DZIP1: variants seen among roughly 807,000 people sequenced by gnomAD.
The protein encoded by DZIP1 is DAZ interacting zinc finger protein 1, also known as cilium assembly protein DZIP1.
DZIP1 carries 97 observed loss-of-function variants against 107.6 expected under a neutral mutation model. The observed-to-expected ratio is 0.90, with a 90% CI of 0.77 to 1.07. The LOEUF is 1.07. DZIP1 is among the 50% of genes least tolerant of loss of function. DZIP1 has a pLI of 0.00. For missense variants in DZIP1, 1,035 were observed against 1,063.6 expected (o/e 0.97, Z 0.37); for synonymous variants, 390 against 386.4 (o/e 1.01, Z -0.11).
chr13:95,633,662 G>A lies in DZIP1; in HGVS notation c.598-341C>T, dbSNP rs188016673. On this transcript the variant is annotated intron_variant, in intron 5 of 22. Transcript: ENST00000376829. ...CCACTGCACTCCAGCCTGGACAACA[G>A]AGCGAGACTCCATCTCAAAAAAAAA... is the stretch of plus-strand genomic sequence containing the variant. 3.6e-3 allele frequency among the ~76,000 whole-genome samples: 492 copies of A among 135,066 alleles called. 1 individual carries two copies. The highest frequency in any genetic ancestry group is 0.013 in the African/African-American group (476 of 35,316). The allele number at this position is 135,066 out of a possible 152,430, so 88.6% of individuals were successfully genotyped here.
At chr13:95,631,375 C>A (rs1013266138) in intron 6 of DZIP1, among the ~76,000 whole-genome samples, 3 of 151,754 alleles carry the variant, frequency 2.0e-5, no homozygotes, top group Non-Finnish European at 4.4e-5. Flanking sequence ...GCTGAAGCAA[C>A]GGAATCACTT....
chr13:95,619,073 T>C (rs1231240250), intron 10 of DZIP1, among the ~76,000 whole-genome samples: 1 of 135,772 alleles, frequency 7.4e-6, no homozygotes, highest in Non-Finnish European at 1.7e-5. Flanking sequence ...TACATTGCAG[T>C]TCTGTGATAC....
chr13:95,622,277 C>T, intron 9 of DZIP1, 66 bp downstream of exon 9: 5 of 1,598,698 alleles, frequency 3.1e-6, no homozygotes, highest in Non-Finnish European at 4.3e-6. Flanking sequence ...AGATGACACT[C>T]ACTGTAAATT....
At chr13:95,601,236 G>A (rs1244729149) in intron 14 of DZIP1, among the ~76,000 whole-genome samples, 1 of 152,102 alleles carries the variant, frequency 6.6e-6, no homozygotes, top group African/African-American at 2.4e-5. Context: ...GGGGAAGTGA[G>A]GCTGGCCAAA....
intron 13 of DZIP1, among the ~76,000 whole-genome samples, chr13:95,607,758 A>C (rs1594683577): frequency 1.3e-5 from 2 of 152,348 alleles, no homozygotes; most frequent in Admixed American, 1.3e-4. Flanking sequence ...ATGCTATTAA[A>C]ATTGATCACA....
chr13:95,640,240 C>T (rs182168905), intron 5 of DZIP1, among the ~76,000 whole-genome samples: 8 of 152,028 alleles, frequency 5.3e-5, no homozygotes, highest in Admixed American at 3.3e-4. Flanking sequence ...CCTCGTGATC[C>T]GCCCGCCTCG....
At chr13:95,640,006 T>A (rs1040105400) in intron 5 of DZIP1, among the ~76,000 whole-genome samples, 1 of 151,600 alleles carries the variant, frequency 6.6e-6, no homozygotes, top group Non-Finnish European at 1.5e-5. Flanking sequence ...TTATTTTTTT[T>A]TTTTTGAGAT....
rs2138706248 is a variant in DZIP1, at chr13:95,579,548, T to G, written c.*2686A>C. On this transcript the variant is annotated 3_prime_UTR_variant, in exon 23 of 23. Transcript: ENST00000376829. Reference sequence around the variant, plus strand: ...AACCAAGGCAGTCTAGGGTAAAATATAGTTTCAAAGTATGAATAAGAATTG... The same window carrying G: ...AACCAAGGCAGTCTAGGGTAAAATAGAGTTTCAAAGTATGAATAAGAATTG... 6.6e-6 allele frequency: 1 copy of G among 152,308 alleles called. No homozygotes were observed. The highest frequency in any genetic ancestry group is 1.9e-4 in the East Asian group (1 of 5,184). The allele number at this position is 152,308 out of a possible 1,614,324, so 9.4% of individuals were successfully genotyped here. A position where few individuals can be genotyped will look rare whatever the true frequency, so the allele number is the denominator to read the frequency against.
At chr13:95,601,836 T>C (rs372833363) in intron 14 of DZIP1, among the ~76,000 whole-genome samples, 6 of 152,286 alleles carry the variant, frequency 3.9e-5, no homozygotes, top group African/African-American at 1.4e-4. Flanking sequence ...CTTTCCTTGG[T>C]CCTGGCCCTG....
chr13:95,639,248 A>G (rs1349892983), intron 5 of DZIP1, among the ~76,000 whole-genome samples: 1 of 152,182 alleles, frequency 6.6e-6, no homozygotes, highest in African/African-American at 2.4e-5. Context: ...CACTCATTTG[A>G]TAAATTGAGT....
Position 95,641,582 on chromosome 13 carries a change from C to T in DZIP1, c.310G>A (p.Glu104Lys). ...CCCGACTGGCAGTGTGGGCACTTCT[C>T]GTCTTCCAGCTTGCAGAAGGTGATG... ...MNITFCKLED[E>K]KCPHCQSGVD... Residue 104 changes from glutamate (E) to lysine (K), a missense_variant, in exon 5 of 23, where the codon GAG (glutamate) becomes AAG (lysine). By Grantham distance (56) the Glu-to-Lys change is moderately conservative (BLOSUM62 1). Coordinates refer to ENST00000376829, the MANE Select transcript of DZIP1 (RefSeq NM_198968.4). This position sits in a 1 kb window ranked among gnomAD's most constrained non-coding sequence, Gnocchi z 4.3. The T allele has an allele frequency of 3.7e-6, 6 of 1,613,564 alleles. No homozygotes were observed. Among genetic ancestry groups the T allele is most frequent in the Non-Finnish European group, 5.1e-6 (6 of 1,180,046 alleles).
Position 95,641,631 on chromosome 13 carries a change from C to T in DZIP1, c.261G>A (p.Leu87=). 1 of 1,611,102 alleles carries T rather than the reference C, an allele frequency of 6.2e-7. No individual in the cohort carries two copies. Among genetic ancestry groups the T allele is most frequent in the African/African-American group, 1.3e-5 (1 of 75,068 alleles). ...VDKVAGAVDV[L]TLQENIMNIT... The stretch of plus-strand genomic sequence containing the variant: ...TGTTCATGATGTTCTCCTGCAGCGT[C>T]AGCACGTCCACAGCCCCCGCCACCT... Residue 87 remains leucine (L), a synonymous_variant, in exon 5 of 23, where the codon CTG becomes CTA. Transcript: ENST00000376829. The surrounding 1 kb of genome is among the most constrained non-coding windows in gnomAD (Gnocchi z 4.3).
chr13:95,619,276 G>A (rs34419417), intron 10 of DZIP1, among the ~76,000 whole-genome samples: 33 of 152,330 alleles, frequency 2.2e-4, no homozygotes, highest in Admixed American at 3.9e-4. Flanking sequence ...GTAAAACTAT[G>A]TATATATGAG....
intron 9 of DZIP1, among the ~76,000 whole-genome samples, chr13:95,620,931 G>A (rs918159592): frequency 2.6e-5 from 4 of 152,176 alleles, no homozygotes; most frequent in African/African-American, 9.7e-5. Context: ...CACAGCTCCT[G>A]GTTTCCTACC....
chr13:95,621,181 GA>G lies in DZIP1; in HGVS notation c.1110+1161del, dbSNP rs1422661501. 3.3e-5 allele frequency among the ~76,000 whole-genome samples: 5 copies of G among 152,134 alleles called. No homozygotes were observed. In the East Asian group the frequency reaches 9.6e-4, roughly 29 times the overall value. On this transcript the variant is annotated intron_variant, in intron 9 of 22. Transcript: ENST00000376829. ...AAAGAATGAGTAAAAGACAGGTCCC[GA>G]AAACTGGGAGCTGCAGGACAGGCAG...
At chr13:95,586,639 A>G (rs1402516052) in intron 20 of DZIP1, among the ~76,000 whole-genome samples, 1 of 151,610 alleles carries the variant, frequency 6.6e-6, no homozygotes, top group African/African-American at 2.4e-5. Flanking sequence ...AATGAATTAT[A>G]TTTTATCTAA....
intron 11 of DZIP1, among the ~76,000 whole-genome samples, chr13:95,611,826 A>G (rs542696971): frequency 1.3e-5 from 2 of 152,350 alleles, no homozygotes; most frequent in East Asian, 3.9e-4. Context: ...TTAATTTTGA[A>G]CTTTAACTGT....
At chr13:95,589,672 C>A in intron 18 of DZIP1, 131 bp downstream of exon 18, 4 of 1,240,300 alleles carry the variant, frequency 3.2e-6, no homozygotes. Context: ...GCATCCTGAT[C>A]TTGGACTTTC....
chr13:95,610,960 T>A (rs2044984384), intron 12 of DZIP1, among the ~76,000 whole-genome samples: 1 of 152,192 alleles, frequency 6.6e-6, no homozygotes, highest in Non-Finnish European at 1.5e-5. Context: ...AGAAACCTTG[T>A]TTCTTTATAA....
Sources: allele counts gnomAD v4.1 joint callset (sites outside exome capture counted in the v4.1 genomes callset), GRCh38; gene constraint gnomAD v4.1.1; non-coding constraint Gnocchi (gnomAD v3.1); transcripts MANE v1.5; gene names NCBI Gene and HGNC (gene_info 2026-07-23, HGNC 2026-07-21).